VPS37A: variants seen among roughly 807,000 people sequenced by gnomAD.
The protein encoded by VPS37A is vacuolar protein sorting-associated protein 37A.
Under a neutral mutation model 49.8 loss-of-function variants are expected in VPS37A, and 30 were observed. That is an observed-to-expected ratio of 0.60 (90% CI 0.45 to 0.82). The LOEUF is 0.82. Among genes scored for constraint, VPS37A ranks in the 40% least tolerant of loss-of-function variants. The pLI is 0.00. For missense variants in VPS37A, 593 were observed against 464.4 expected (o/e 1.28, Z -2.55); for synonymous variants, 195 against 160.6 (o/e 1.21, Z -1.62).
chr8:17,274,463 C>T (rs776037072), intron 4 of VPS37A, among the ~76,000 whole-genome samples: 3 of 151,938 alleles, frequency 2.0e-5, no homozygotes, highest in Non-Finnish European at 4.4e-5. Context: ...ACTTCTACTC[C>T]GTCCAGTTGA....
At chr8:17,325,593 G>A in the VPS37A span, among the ~76,000 whole-genome samples, 2 of 152,156 alleles carry the variant, frequency 1.3e-5, no homozygotes, top group Non-Finnish European at 2.9e-5. Flanking sequence ...CTGACGCGGG[G>A]CCTGCGTCCC....
intron 1 of VPS37A, chr8:17,248,171 C>T: frequency 2.7e-6 from 1 of 368,204 alleles, no homozygotes; most frequent in South Asian, 2.1e-5. Flanking sequence ...AGAACTGCTT[C>T]TTTATATTTT....
intron 1 of VPS37A, among the ~76,000 whole-genome samples, chr8:17,249,184 C>G (rs1563231077): frequency 6.6e-6 from 1 of 152,050 alleles, no homozygotes; most frequent in South Asian, 2.1e-4. Flanking sequence ...ACTACAAAGT[C>G]TCTTGCTGCT....
intron 1 of VPS37A, chr8:17,248,346 C>A (rs942865991): frequency 6.6e-6 from 3 of 454,266 alleles, no homozygotes; most frequent in African/African-American, 6.0e-5. Flanking sequence ...TTCACTGCAA[C>A]CTCCGTCTCC....
chr8:17,270,959 C>T (rs530295112), intron 4 of VPS37A, among the ~76,000 whole-genome samples: 8 of 152,280 alleles, frequency 5.3e-5, no homozygotes, highest in Admixed American at 4.6e-4. Context: ...GCCCCTCACA[C>T]ACCCACTGTA....
chr8:17,248,480 T>G, intron 1 of VPS37A: 1 of 420,854 alleles, frequency 2.4e-6, no homozygotes, highest in Admixed American at 2.5e-5. Flanking sequence ...TTCACCACAT[T>G]GGTCAGGCTG....
chr8:17,288,053 A>G (rs1815778409), intron 11 of VPS37A, among the ~76,000 whole-genome samples: 1 of 152,194 alleles, frequency 6.6e-6, no homozygotes, highest in Admixed American at 6.5e-5. Context: ...GTTACTTTCC[A>G]AATCATACTA....
chr8:17,263,786 A>G (rs912558175), intron 1 of VPS37A, among the ~76,000 whole-genome samples: 1 of 151,996 alleles, frequency 6.6e-6, no homozygotes, highest in South Asian at 2.1e-4. Flanking sequence ...TCTACAAAAT[A>G]TATATATAAC....
At chr8:17,272,945 T>C (rs4922276) in intron 4 of VPS37A, among the ~76,000 whole-genome samples, 9,638 of 151,818 alleles carry the variant, frequency 0.063, 402 homozygotes, top group Non-Finnish European at 0.095. Flanking sequence ...CTGAGCTGTT[T>C]TATTCATCTA....
chr8:17,326,547 C>T, the VPS37A span: 1 of 152,192 alleles, frequency 6.6e-6, no homozygotes, highest in Non-Finnish European at 1.5e-5. Flanking sequence ...GGTTAAAATA[C>T]TGCTTTGTAA....
In VPS37A at chr8:17,263,525, CATA is replaced by C. The variant is rs980938399; in HGVS notation, c.126-2380_126-2378del. Among the ~76,000 whole-genome samples, 185 of 105,556 alleles carry C rather than the reference CATA, an allele frequency of 1.8e-3. 1 individual carries two copies. Among genetic ancestry groups the C allele is most frequent in the African/African-American group, 0.012 (176 of 14,174 alleles). 69.2% of individuals were successfully genotyped at this position (105,556 alleles called of 152,430 possible). A position where few individuals can be genotyped will look rare whatever the true frequency, so the allele number is the denominator to read the frequency against. On this transcript the variant is annotated intron_variant, in intron 1 of 11. Transcript: ENST00000324849. ...TGATACTTAGTTTGTGAAGAAAACT[CATA>C]AAAAAAATTTTAGGAACTGTCATCA... is the stretch of plus-strand genomic sequence containing the variant.
chr8:17,279,415 C>T (rs1441170504), intron 6 of VPS37A, among the ~76,000 whole-genome samples: 2 of 152,092 alleles, frequency 1.3e-5, no homozygotes, highest in East Asian at 1.9e-4. Context: ...GGAAGAAATT[C>T]TTCTCATGCT....
At chr8:17,313,721 A>G in the VPS37A span, among the ~76,000 whole-genome samples, 14 of 152,330 alleles carry the variant, frequency 9.2e-5, no homozygotes, top group African/African-American at 3.1e-4. Flanking sequence ...CTTTCCAGCA[A>G]AGTAATTAAA....
chr8:17,265,144 A>G (rs1384221626), intron 1 of VPS37A, among the ~76,000 whole-genome samples: 1 of 152,208 alleles, frequency 6.6e-6, no homozygotes, highest in Non-Finnish European at 1.5e-5. Flanking sequence ...GCATGGCTTC[A>G]ATTCTCAGAG....
At chr8:17,304,035 G>A (rs915981554), downstream of VPS37A, among the ~76,000 whole-genome samples, 11 of 152,188 alleles carry the variant, frequency 7.2e-5, no homozygotes, top group East Asian at 7.7e-4. Context: ...ACCTTAACAC[G>A]TCATGATCAC....
the VPS37A span, among the ~76,000 whole-genome samples, chr8:17,312,220 T>C: frequency 6.6e-6 from 1 of 152,206 alleles, no homozygotes; most frequent in Admixed American, 6.5e-5. Flanking sequence ...CTGGGAAACA[T>C]GGGAGAGATT....
downstream of VPS37A, chr8:17,298,499 T>C (rs1816887521): frequency 6.6e-6 from 1 of 152,522 alleles, no homozygotes; most frequent in Non-Finnish European, 1.5e-5. Context: ...CAATGTTGCT[T>C]TCTTGCCCTC....
chr8:17,306,332 T>C (rs964294778), downstream of VPS37A, among the ~76,000 whole-genome samples: 6 of 152,062 alleles, frequency 3.9e-5, no homozygotes, highest in Admixed American at 2.0e-4. Flanking sequence ...CAGACAACTT[T>C]AAGGCTCTTC....
chr8:17,318,608 G>A, the VPS37A span, among the ~76,000 whole-genome samples: 1 of 152,114 alleles, frequency 6.6e-6, no homozygotes, highest in African/African-American at 2.4e-5. Context: ...GGGTCCTACC[G>A]CATCATGTCA....
Sources: allele counts gnomAD v4.1 joint callset (sites outside exome capture counted in the v4.1 genomes callset), GRCh38; gene constraint gnomAD v4.1.1; transcripts MANE v1.5; gene names NCBI Gene and HGNC (gene_info 2026-07-23, HGNC 2026-07-21).